The following HECTD2 variants were observed in gnomAD, a reference collection of about 807,000 sequenced individuals.
The protein encoded by HECTD2 is probable E3 ubiquitin-protein ligase HECTD2.
A neutral mutation model predicts 103.2 loss-of-function variants in HECTD2; 35 were observed. That is an observed-to-expected ratio of 0.34 (90% CI 0.26 to 0.45). The LOEUF (loss-of-function observed/expected upper bound fraction) is 0.45, where lower values mean the gene tolerates loss of function less well. Ranked by LOEUF, HECTD2 falls within the 20% of genes least tolerant of loss-of-function variation. The pLI is 1.00. For synonymous variants in HECTD2, 281 were observed against 329.9 expected, an observed-to-expected ratio of 0.85 and a Z score of 1.61; for missense variants, 596 against 937.4, an observed-to-expected ratio of 0.64 and a Z score of 4.76.
At chr10:91,438,754 T>A (rs1457739548) in intron 2 of HECTD2, among the ~76,000 whole-genome samples, 1 of 152,212 alleles carries the variant, frequency 6.6e-6, no homozygotes, top group African/African-American at 2.4e-5. Context: ...TTCCTGACTT[T>A]TTACTGATCG....
At chr10:91,430,528 G>T (rs909499097) in intron 2 of HECTD2, among the ~76,000 whole-genome samples, 4 of 152,130 alleles carry the variant, frequency 2.6e-5, no homozygotes, top group African/African-American at 9.7e-5. Context: ...CTCTTTGTAG[G>T]TCACTCAGGA....
chr10:91,410,603 C>T (rs748108634), intron 1 of HECTD2, 27 bp downstream of exon 1: 2 of 1,183,098 alleles, frequency 1.7e-6, no homozygotes, highest in Non-Finnish European at 2.0e-6. Context: ...GGCCGTCTGG[C>T]GCCCCGGACG....
At chr10:91,471,659 TACACCA>T (rs1845731916) in intron 5 of HECTD2, among the ~76,000 whole-genome samples, 1 of 152,192 alleles carries the variant, frequency 6.6e-6, no homozygotes, top group South Asian at 2.1e-4. Context: ...AGCATTTCTA[TACACCA>T]ACATCTAAGC....
At chr10:91,474,922 G>A (rs899925679) in intron 5 of HECTD2, among the ~76,000 whole-genome samples, 1 of 152,190 alleles carries the variant, frequency 6.6e-6, no homozygotes, top group Non-Finnish European at 1.5e-5. Context: ...GAGAAGATCT[G>A]TGAGAGCAGC....
At chr10:91,492,769 A>C (rs1846527718) in intron 13 of HECTD2, among the ~76,000 whole-genome samples, 1 of 152,156 alleles carries the variant, frequency 6.6e-6, no homozygotes, top group Non-Finnish European at 1.5e-5. Context: ...AATGCATGAA[A>C]ATTTAATTTG....
chr10:91,503,015 T>C (rs990126075), intron 20 of HECTD2, among the ~76,000 whole-genome samples: 7 of 152,228 alleles, frequency 4.6e-5, no homozygotes, highest in African/African-American at 1.2e-4. Flanking sequence ...GGAGTTTCCA[T>C]TCATCTTATA....
At chr10:91,435,549 G>C (rs530504174) in intron 2 of HECTD2, among the ~76,000 whole-genome samples, 1 of 152,086 alleles carries the variant, frequency 6.6e-6, no homozygotes, top group Non-Finnish European at 1.5e-5. Flanking sequence ...CTAAATTTCA[G>C]GCCACTCAGT....
intron 2 of HECTD2, among the ~76,000 whole-genome samples, chr10:91,437,547 G>A (rs1348814108): frequency 2.0e-5 from 3 of 151,716 alleles, no homozygotes; most frequent in Non-Finnish European, 4.4e-5. Flanking sequence ...CCTTTGTTGG[G>A]GGGAGTATAA....
chr10:91,496,965 CTT>C (rs200052503), intron 15 of HECTD2, among the ~76,000 whole-genome samples: 1 of 141,970 alleles, frequency 7.0e-6, no homozygotes. Flanking sequence ...GAAAATCTTT[CTT>C]TTTTTTTTTT....
At chr10:91,455,911 T>G (rs1325669033) in intron 2 of HECTD2, among the ~76,000 whole-genome samples, 4 of 151,990 alleles carry the variant, frequency 2.6e-5, no homozygotes, top group Non-Finnish European at 5.9e-5. Flanking sequence ...CTGAGGGCTC[T>G]GTTCTGTTCC....
chr10:91,501,461 A>C lies in HECTD2; in HGVS notation c.2210+127A>C, dbSNP rs191122955. Reference sequence around the variant, plus strand: ...TTTTCATAGAAAAATCTTCAGAGTAAACATGGCCTTGAAATGTAAGAGATT... The same window carrying C: ...TTTTCATAGAAAAATCTTCAGAGTACACATGGCCTTGAAATGTAAGAGATT... On this transcript the variant is annotated intron_variant, in intron 20 of 20. Coordinates refer to ENST00000298068, the MANE Select transcript of HECTD2 (RefSeq NM_182765.6). The C allele has an allele frequency of 1.4e-4, 80 of 556,140 alleles. No individual in the cohort carries two copies. In the South Asian group the frequency reaches 1.8e-3, roughly 13 times the overall value. The allele number at this position is 556,140 out of a possible 1,614,324, so 34.5% of individuals were successfully genotyped here. A position where few individuals can be genotyped will look rare whatever the true frequency, so the allele number is the denominator to read the frequency against.
Position 91,487,419 on chromosome 10 carries a change from A to G in HECTD2, c.1095-263A>G, listed in dbSNP as rs144011570. The G allele has an allele frequency of 6.8e-3, 2,929 of 429,208 alleles. 33 individuals are homozygous for G. The highest frequency in any genetic ancestry group is 0.018 in the South Asian group (808 of 44,990). The allele number at this position is 429,208 out of a possible 1,614,324, so 26.6% of individuals were successfully genotyped here. On this transcript the variant is annotated intron_variant, in intron 10 of 20. Transcript: ENST00000298068. This position sits in a 1 kb window ranked among gnomAD's most constrained non-coding sequence, Gnocchi z 4.1. ...ATATACAATGAAATTATTTGTATAGACAATGTAAGTGGTTAGCACACATTC... is the reference window on the plus strand; with the variant it reads ...ATATACAATGAAATTATTTGTATAGGCAATGTAAGTGGTTAGCACACATTC...
At chr10:91,472,025 C>A (rs1044627155) in intron 5 of HECTD2, among the ~76,000 whole-genome samples, 1 of 152,122 alleles carries the variant, frequency 6.6e-6, no homozygotes, top group African/African-American at 2.4e-5. Flanking sequence ...AAAAAGATAA[C>A]AAAGCTGGAG....
intron 5 of HECTD2, chr10:91,463,466 A>G (rs989295681): frequency 6.6e-6 from 1 of 152,116 alleles, no homozygotes; most frequent in Non-Finnish European, 1.5e-5. Flanking sequence ...TCAAGAGTCA[A>G]CTGTACTTTG....
intron 1 of HECTD2, among the ~76,000 whole-genome samples, chr10:91,411,635 A>T (rs1344145084): frequency 6.6e-6 from 1 of 152,214 alleles, no homozygotes; most frequent in East Asian, 1.9e-4. Context: ...TAGGTTTTTC[A>T]AAAATGTCTG....
chr10:91,413,880 A>C (rs1843017704), intron 1 of HECTD2, among the ~76,000 whole-genome samples: 1 of 152,166 alleles, frequency 6.6e-6, no homozygotes, highest in Admixed American at 6.5e-5. Flanking sequence ...GCTGCTGTGG[A>C]GAGGTGATGC....
chr10:91,419,581 C>T (rs1011891946), intron 1 of HECTD2, among the ~76,000 whole-genome samples: 8 of 152,036 alleles, frequency 5.3e-5, no homozygotes, highest in African/African-American at 1.4e-4. Context: ...CTGTTTGCAA[C>T]GTTTATTGAA....
Position 91,506,911 on chromosome 10 carries a change from A to G in HECTD2, c.2211-5353A>G, listed in dbSNP as rs1373334078. 2.7e-5 allele frequency among the ~76,000 whole-genome samples: 4 copies of G among 149,174 alleles called. No homozygotes were observed. The East Asian group carries it at 5.8e-4, about 22-fold the overall frequency. On this transcript the variant is annotated intron_variant, in intron 20 of 20. Transcript: ENST00000298068. ...GCAAAACGAATCCAGCAGCACATCA[A>G]AAAGCTTCTCCACCATGATCAAGTG...
At chr10:91,412,173 T>C (rs1842936944) in intron 1 of HECTD2, among the ~76,000 whole-genome samples, 1 of 152,228 alleles carries the variant, frequency 6.6e-6, no homozygotes, top group African/African-American at 2.4e-5. Context: ...ATCAACCATC[T>C]TAATAACTGT....
Sources: allele counts gnomAD v4.1 joint callset (sites outside exome capture counted in the v4.1 genomes callset), GRCh38; gene constraint gnomAD v4.1.1; non-coding constraint Gnocchi (gnomAD v3.1); transcripts MANE v1.5; gene names NCBI Gene and HGNC (gene_info 2026-07-23, HGNC 2026-07-21).